CELF2: variants seen among roughly 807,000 people sequenced by gnomAD.
CELF2 encodes CUG triplet repeat RNA-binding protein 2.
CELF2 carries 8 observed loss-of-function variants against 62.6 expected under a neutral mutation model. The observed-to-expected ratio is 0.13, with a 90% CI of 0.07 to 0.23. The LOEUF is 0.23. Ranked by LOEUF, CELF2 falls within the 10% of genes least tolerant of loss-of-function variation. The pLI is 1.00. For synonymous variants in CELF2, 258 were observed against 250.0 expected (o/e 1.03, Z -0.30); for missense variants, 333 against 671.0 (o/e 0.50, Z 5.56).
intron 2 of CELF2, among the ~76,000 whole-genome samples, chr10:10,999,563 T>C (rs942554074): frequency 3.9e-5 from 6 of 152,162 alleles, no homozygotes; most frequent in Non-Finnish European, 2.9e-5. Context: ...ATTGTGTCAC[T>C]GCACTCCAGC....
chr10:11,203,852 GT>G (rs2059830053), intron 2 of CELF2, among the ~76,000 whole-genome samples: 1 of 152,182 alleles, frequency 6.6e-6, no homozygotes, highest in South Asian at 2.1e-4. Context: ...ATCAAACCTA[GT>G]GGCCATAAGA....
chr10:11,201,664 C>T (rs898793530), intron 2 of CELF2, among the ~76,000 whole-genome samples: 12 of 152,182 alleles, frequency 7.9e-5, no homozygotes, highest in African/African-American at 2.9e-4. Context: ...CTGGTAGTCC[C>T]TGCAACAGCT....
chr10:11,153,750 C>G (rs1338708674), intron 1 of CELF2, among the ~76,000 whole-genome samples: 1 of 152,210 alleles, frequency 6.6e-6, no homozygotes, highest in Non-Finnish European at 1.5e-5. Context: ...GTGATTTTGA[C>G]ACTGTGAAAT....
the CELF2 span, among the ~76,000 whole-genome samples, chr10:10,533,438 T>A: frequency 6.6e-6 from 1 of 152,344 alleles, no homozygotes; most frequent in South Asian, 2.1e-4. Context: ...CTAATAGTTT[T>A]TAAATACCTA....
At position 11,039,989 on chromosome 10, in the gene CELF2, C is replaced by A. The variant is rs2061546242; in HGVS notation, c.74+21826C>A. Among the ~76,000 whole-genome samples, 1 of 152,166 alleles carries A rather than the reference C, an allele frequency of 6.6e-6. No homozygotes were observed. The highest frequency in any genetic ancestry group is 1.5e-5 in the Non-Finnish European group (1 of 68,036). ...TTGATTATCTTTATGTGGACCATGA[C>A]AAATTGATTTTTTAATTGAGACTTC... On this transcript the variant is annotated intron_variant, in intron 1 of 12. Coordinates refer to ENST00000633077, the MANE Select transcript of CELF2 (RefSeq NM_001326342.2). This position sits in a 1 kb window ranked among gnomAD's most constrained non-coding sequence, Gnocchi z 4.1.
chr10:11,258,836 G>A (rs759122597), intron 5 of CELF2, among the ~76,000 whole-genome samples: 4 of 152,182 alleles, frequency 2.6e-5, no homozygotes, highest in South Asian at 2.1e-4. Context: ...ACAGGTGCAC[G>A]CTACCACGCC....
chr10:11,124,146 G>T (rs1382631738), intron 1 of CELF2, among the ~76,000 whole-genome samples: 1 of 152,164 alleles, frequency 6.6e-6, no homozygotes, highest in Admixed American at 6.5e-5. Context: ...TTCATTTATT[G>T]CCATCTGGTG....
intron 1 of CELF2, among the ~76,000 whole-genome samples, chr10:11,081,228 G>T (rs752385325): frequency 6.6e-6 from 1 of 152,158 alleles, no homozygotes; most frequent in African/African-American, 2.4e-5. Flanking sequence ...AAAAATGTAA[G>T]ATTTTTTTTG....
chr10:10,939,576 C>A (rs1040488186), intron 2 of CELF2, among the ~76,000 whole-genome samples: 4 of 151,894 alleles, frequency 2.6e-5, no homozygotes, highest in African/African-American at 9.7e-5. Context: ...GTGAGCCACC[C>A]TACTCAGCTG....
At chr10:10,939,833 A>C (rs2046853461) in intron 2 of CELF2, among the ~76,000 whole-genome samples, 2 of 152,048 alleles carry the variant, frequency 1.3e-5, no homozygotes, top group South Asian at 4.2e-4. Context: ...GGATGCCTGT[A>C]GTTCCAGCTA....
Position 11,098,993 on chromosome 10 carries a change from C to A in CELF2, c.75-66493C>A, listed in dbSNP as rs1481438994. Among the ~76,000 whole-genome samples the A allele has an allele frequency of 6.6e-6, 1 of 152,152 alleles. No homozygotes were observed. Among genetic ancestry groups the A allele is most frequent in the Non-Finnish European group, 1.5e-5 (1 of 68,030 alleles). ...CAGATAAGCTTTGCCATAAGAAACG[C>A]ACAGATGACTTCAGATAAAAGTTTC... On this transcript the variant is annotated intron_variant, in intron 1 of 12. Coordinates refer to ENST00000633077, the MANE Select transcript of CELF2 (RefSeq NM_001326342.2). The surrounding 1 kb of genome is among the most constrained non-coding windows in gnomAD (Gnocchi z 4.0).
rs1399858837 is a variant in CELF2, at chr10:11,039,189, C to G, written c.74+21026C>G. Among the ~76,000 whole-genome samples the G allele has an allele frequency of 3.3e-5, 5 of 152,188 alleles. No homozygotes were observed. The highest frequency in any genetic ancestry group is 4.8e-5 in the African/African-American group (2 of 41,440). ...AGAGCAGAAACCGTGATGCAGTGAG[C>G]CTTCTGCCCACAACACTTCGTGCCC... On this transcript the variant is annotated intron_variant, in intron 1 of 12. Transcript: ENST00000633077. The surrounding 1 kb of genome is among the most constrained non-coding windows in gnomAD (Gnocchi z 4.1).
At chr10:10,748,494 A>G in the CELF2 span, among the ~76,000 whole-genome samples, 2 of 152,262 alleles carry the variant, frequency 1.3e-5, no homozygotes, top group East Asian at 3.9e-4. Flanking sequence ...CACGCCTGTA[A>G]TCCCAGCACT....
At chr10:10,713,275 AT>A in the CELF2 span, among the ~76,000 whole-genome samples, 6 of 152,076 alleles carry the variant, frequency 3.9e-5, no homozygotes, top group African/African-American at 1.4e-4. Flanking sequence ...AAATTATCTT[AT>A]TTTTTATGTA....
chr10:10,756,410 T>G, the CELF2 span, among the ~76,000 whole-genome samples: 2 of 152,222 alleles, frequency 1.3e-5, no homozygotes, highest in East Asian at 3.8e-4. Flanking sequence ...GTTGGGATTT[T>G]TACCTGAAAA....
rs1422552605 is a variant in CELF2 at position 11,040,060 on chromosome 10, G to A, written c.74+21897G>A. On this transcript the variant is annotated intron_variant, in intron 1 of 12. Transcript: ENST00000633077. The stretch of plus-strand genomic sequence containing the variant: ...GTCTCGTAGGAAAATAGTAAATTTT[G>A]AAAAACTTTAAAATGTTCATGCCAC... Among the ~76,000 whole-genome samples the A allele has an allele frequency of 2.0e-5, 3 of 152,174 alleles. No individual in the cohort carries two copies. In the East Asian group the frequency reaches 5.8e-4, roughly 29 times the overall value.
chr10:11,185,039 AT>A (rs2074463388), intron 2 of CELF2, among the ~76,000 whole-genome samples: 1 of 152,152 alleles, frequency 6.6e-6, no homozygotes, highest in Admixed American at 6.5e-5. Flanking sequence ...TATCAAGGAC[AT>A]TGTCTTGTCT....
intron 1 of CELF2, among the ~76,000 whole-genome samples, chr10:10,901,773 G>A (rs1442706529): frequency 6.6e-6 from 1 of 152,166 alleles, no homozygotes; most frequent in African/African-American, 2.4e-5. Context: ...TGAAGAAATT[G>A]TGTCCAGAAC....
chr10:10,849,257 C>A (rs971534923), intron 1 of CELF2, among the ~76,000 whole-genome samples: 459 of 144,060 alleles, frequency 3.2e-3, no homozygotes, highest in African/African-American at 0.01. Flanking sequence ...AAAAAAAAAA[C>A]AAATTAGCTG....
Sources: allele counts gnomAD v4.1 joint callset (sites outside exome capture counted in the v4.1 genomes callset), GRCh38; gene constraint gnomAD v4.1.1; non-coding constraint Gnocchi (gnomAD v3.1); transcripts MANE v1.5; gene names NCBI Gene and HGNC (gene_info 2026-07-23, HGNC 2026-07-21).